GPR39: variants seen among roughly 807,000 people sequenced by gnomAD.
GPR39 encodes the protein zinc sensing receptor.
In GPR39, 23 loss-of-function variants were observed where a neutral mutation model predicts 18.4. The observed-to-expected ratio is 1.25, with a 90% CI of 0.90 to 1.77. GPR39 has a LOEUF of 1.77. GPR39 is among the 40% of genes most tolerant of loss of function. The pLI is 0.00. For synonymous variants in GPR39, 280 were observed against 257.9 expected (o/e 1.09, Z -0.82); for missense variants, 647 against 602.4 (o/e 1.07, Z -0.78).
chr2:132,642,920 G>A (rs1394770018), intron 1 of GPR39, among the ~76,000 whole-genome samples: 1 of 152,126 alleles, frequency 6.6e-6, no homozygotes, highest in Admixed American at 6.5e-5. Context: ...GGCTTCCTCA[G>A]GTATGGTCTT....
At chr2:132,501,944 C>G (rs958831832) in intron 1 of GPR39, among the ~76,000 whole-genome samples, 1 of 152,088 alleles carries the variant, frequency 6.6e-6, no homozygotes, top group Non-Finnish European at 1.5e-5. Flanking sequence ...TTTTCCACAC[C>G]TTTACCTTAA....
chr2:132,428,468 A>T (rs1680168017), intron 1 of GPR39, among the ~76,000 whole-genome samples: 1 of 152,160 alleles, frequency 6.6e-6, no homozygotes, highest in African/African-American at 2.4e-5. Context: ...AGTTCTAGTA[A>T]ATGTTCTGCC....
chr2:132,582,616 T>C (rs901115791), intron 1 of GPR39, among the ~76,000 whole-genome samples: 1 of 152,116 alleles, frequency 6.6e-6, no homozygotes, highest in African/African-American at 2.4e-5. Context: ...GGTGCCTGTC[T>C]CAGTGGAGTA....
chr2:132,574,864 A>G (rs1477349198), intron 1 of GPR39, among the ~76,000 whole-genome samples: 2 of 152,158 alleles, frequency 1.3e-5, no homozygotes, highest in East Asian at 1.9e-4. Context: ...TTGAATAGTA[A>G]TACATTTGCT....
intron 1 of GPR39, among the ~76,000 whole-genome samples, chr2:132,631,861 C>T (rs556373106): frequency 4.7e-5 from 7 of 149,574 alleles, no homozygotes; most frequent in Non-Finnish European, 1.0e-4. Context: ...CTCAATCTGT[C>T]CCTCAGGCTG....
At chr2:132,502,429 A>T (rs2104751526) in intron 1 of GPR39, among the ~76,000 whole-genome samples, 1 of 152,258 alleles carries the variant, frequency 6.6e-6, no homozygotes, top group East Asian at 1.9e-4. Context: ...TGTGGGGCTG[A>T]GAAATCTGCT....
At chr2:132,489,992 ACCAGGTAGTCC>A (rs1366198754) in intron 1 of GPR39, among the ~76,000 whole-genome samples, 1 of 151,788 alleles carries the variant, frequency 6.6e-6, no homozygotes, top group South Asian at 2.1e-4. Context: ...CAGAATCCTC[ACCAGGTAGTCC>A]CCAGGCACCT....
At chr2:132,504,851 C>A (rs1257112935) in intron 1 of GPR39, among the ~76,000 whole-genome samples, 1 of 152,138 alleles carries the variant, frequency 6.6e-6, no homozygotes, top group Non-Finnish European at 1.5e-5. Context: ...AAAAGAACAA[C>A]AATGGGGTGC....
At chr2:132,530,573 G>T (rs1414868659) in intron 1 of GPR39, among the ~76,000 whole-genome samples, 1 of 152,140 alleles carries the variant, frequency 6.6e-6, no homozygotes, top group African/African-American at 2.4e-5. Flanking sequence ...AAGTTGAAAT[G>T]AAGGAAAAAA....
intron 1 of GPR39, among the ~76,000 whole-genome samples, chr2:132,545,394 G>A (rs1409760841): frequency 6.6e-6 from 1 of 152,184 alleles, no homozygotes; most frequent in Non-Finnish European, 1.5e-5. Context: ...TGATTTCAGG[G>A]TCCCCATCCA....
intron 1 of GPR39, among the ~76,000 whole-genome samples, chr2:132,637,055 C>T (rs1275815985): frequency 2.7e-5 from 4 of 149,280 alleles, no homozygotes; most frequent in Admixed American, 6.6e-5. Flanking sequence ...GCATAGAAAG[C>T]CACACAGCTA....
At chr2:132,547,513 A>G (rs1461443032) in intron 1 of GPR39, among the ~76,000 whole-genome samples, 4 of 152,232 alleles carry the variant, frequency 2.6e-5, no homozygotes, top group Non-Finnish European at 5.9e-5. Context: ...TTTTAATTCT[A>G]GAAATTTTCT....
In GPR39 at chr2:132,561,581, C is replaced by T. The variant is rs1466122019; in HGVS notation, c.857-83520C>T. 1.2e-4 allele frequency among the ~76,000 whole-genome samples: 4 copies of T among 32,200 alleles called. No individual in the cohort carries two copies. The South Asian group carries it at 4.0e-3, about 32-fold the overall frequency. The allele number at this position is 32,200 out of a possible 152,430, so 21.1% of individuals were successfully genotyped here. On this transcript the variant is annotated intron_variant, in intron 1 of 1. Coordinates refer to ENST00000329321, the MANE Select transcript of GPR39 (RefSeq NM_001508.3). Reference sequence around the variant, plus strand: ...TAAAATCATTGAATATGAGTGTACACACACACACACACACACACACACACA... The same window carrying T: ...TAAAATCATTGAATATGAGTGTACATACACACACACACACACACACACACA...
chr2:132,560,523 C>T (rs143460235), intron 1 of GPR39, among the ~76,000 whole-genome samples: 4 of 152,356 alleles, frequency 2.6e-5, no homozygotes, highest in East Asian at 3.9e-4. Flanking sequence ...CTGCCTTCCC[C>T]GCTCTACTGA....
chr2:132,478,538 G>A (rs967434868), intron 1 of GPR39, among the ~76,000 whole-genome samples: 5 of 152,186 alleles, frequency 3.3e-5, no homozygotes, highest in African/African-American at 1.2e-4. Flanking sequence ...TCAATACTAC[G>A]TAACAAGAAA....
At chr2:132,630,150 G>A (rs1001987610) in intron 1 of GPR39, among the ~76,000 whole-genome samples, 13 of 152,130 alleles carry the variant, frequency 8.5e-5, no homozygotes, top group Non-Finnish European at 1.9e-4. Flanking sequence ...CGAACCCCAT[G>A]GAGCTCACAT....
rs1185719553 is a variant in GPR39 at position 132,561,317 on chromosome 2, C to T, written c.857-83784C>T. On this transcript the variant is annotated intron_variant, in intron 1 of 1. Transcript: ENST00000329321. The stretch of plus-strand genomic sequence containing the variant: ...GGTGAATCATACCCCTACCATTTCT[C>T]TTCTACAGAAATCAAACTAGGGAGT... Among the ~76,000 whole-genome samples, 4 of 152,144 alleles carry T rather than the reference C, an allele frequency of 2.6e-5. No individual in the cohort carries two copies. In the East Asian group the frequency reaches 7.7e-4, roughly 29 times the overall value.
chr2:132,523,269 T>G (rs1446394755), intron 1 of GPR39, among the ~76,000 whole-genome samples: 3 of 152,220 alleles, frequency 2.0e-5, no homozygotes, highest in Middle Eastern at 3.2e-3. Flanking sequence ...GACCATCTTT[T>G]GTCACCATCG....
chr2:132,564,764 C>T (rs1680315979), intron 1 of GPR39, among the ~76,000 whole-genome samples: 1 of 148,260 alleles, frequency 6.7e-6, no homozygotes, highest in Non-Finnish European at 1.5e-5. Flanking sequence ...TTTCTCAACA[C>T]ATTGGAATCA....
Sources: allele counts gnomAD v4.1 joint callset (sites outside exome capture counted in the v4.1 genomes callset), GRCh38; gene constraint gnomAD v4.1.1; transcripts MANE v1.5; gene names NCBI Gene and HGNC (gene_info 2026-07-23, HGNC 2026-07-21).